The following RNF150 variants were observed in gnomAD, a reference collection of about 807,000 sequenced individuals.
RNF150 encodes the protein ring finger protein 150.
RNF150 carries 24 observed loss-of-function variants against 39.3 expected under a neutral mutation model. The observed-to-expected ratio is 0.61, with a 90% CI of 0.44 to 0.86. RNF150 has a LOEUF of 0.86. RNF150 is among the 40% of genes least tolerant of loss of function. RNF150 has a pLI of 0.00. For synonymous variants in RNF150, 255 were observed against 227.3 expected (o/e 1.12, Z -1.10); for missense variants, 502 against 587.8 (o/e 0.85, Z 1.51).
intron 1 of RNF150, among the ~76,000 whole-genome samples, chr4:141,022,062 C>T (rs1735516141): frequency 6.6e-6 from 1 of 152,020 alleles, no homozygotes; most frequent in Non-Finnish European, 1.5e-5. Context: ...AATTGGAGGC[C>T]CAGCAAATGT....
intron 6 of RNF150, among the ~76,000 whole-genome samples, chr4:140,910,173 T>C (rs1423491384): frequency 6.6e-6 from 1 of 152,134 alleles, no homozygotes; most frequent in Non-Finnish European, 1.5e-5. Context: ...TTTATAAAAA[T>C]CACAAATATG....
intron 1 of RNF150, among the ~76,000 whole-genome samples, chr4:141,081,480 A>G (rs1207886212): frequency 2.6e-5 from 4 of 152,216 alleles, no homozygotes; most frequent in Admixed American, 6.5e-5. Context: ...AAATCTCAGC[A>G]TGGGTGGGAT....
At chr4:141,066,530 A>G (rs1737468051) in intron 1 of RNF150, among the ~76,000 whole-genome samples, 1 of 152,242 alleles carries the variant, frequency 6.6e-6, no homozygotes, top group Admixed American at 6.5e-5. Flanking sequence ...TTGATATTAA[A>G]TGAGTTATGT....
chr4:140,934,362 AGC>A (rs1731758389), intron 4 of RNF150, among the ~76,000 whole-genome samples: 1 of 152,190 alleles, frequency 6.6e-6, no homozygotes, highest in African/African-American at 2.4e-5. Context: ...GCTGCAATAT[AGC>A]ACCAGTAGTA....
intron 5 of RNF150, among the ~76,000 whole-genome samples, chr4:140,912,959 T>TAAAAAAAAAAA (rs10616886): frequency 1.4e-5 from 2 of 138,136 alleles, no homozygotes; most frequent in Admixed American, 1.4e-4. Context: ...CATCAGAACA[T>TAAAAAAAAAAA]AAAAAAAAAA....
At chr4:141,092,037 G>A (rs1422172932) in intron 1 of RNF150, among the ~76,000 whole-genome samples, 1 of 152,080 alleles carries the variant, frequency 6.6e-6, no homozygotes, top group Admixed American at 6.6e-5. Context: ...GTCAAGCTAG[G>A]GTGACCATAA....
chr4:141,027,241 T>C (rs1357309006), intron 1 of RNF150, among the ~76,000 whole-genome samples: 1 of 152,224 alleles, frequency 6.6e-6, no homozygotes, highest in Admixed American at 6.5e-5. Flanking sequence ...GGAACCTTCT[T>C]GCTTCAAAAG....
At chr4:140,931,149 T>C (rs1309336497) in intron 4 of RNF150, among the ~76,000 whole-genome samples, 2 of 152,160 alleles carry the variant, frequency 1.3e-5, no homozygotes, top group African/African-American at 4.8e-5. Flanking sequence ...GTCCTGGTAC[T>C]CCTTAATTGT....
At position 141,133,164 on chromosome 4, in the gene RNF150, T is replaced by G; in HGVS notation, c.-356A>C. ...TAAGGGTGGCCGGGGGCCCACGAAC[T>G]TGCAGGGTGGCGGCCCTGCGCCCTC... On this transcript the variant is annotated 5_prime_UTR_variant, in exon 1 of 7. Coordinates refer to ENST00000515673, the MANE Select transcript of RNF150 (RefSeq NM_020724.2). 4.0e-6 allele frequency: 1 copy of G among 250,328 alleles called. No homozygotes were observed. Among genetic ancestry groups the G allele is most frequent in the Non-Finnish European group, 7.6e-6 (1 of 130,740 alleles). 15.5% of individuals were successfully genotyped at this position (250,328 alleles called of 1,614,324 possible). A position where few individuals can be genotyped will look rare whatever the true frequency, so the allele number is the denominator to read the frequency against.
chr4:141,057,514 G>A (rs1737029908), intron 1 of RNF150, among the ~76,000 whole-genome samples: 1 of 151,964 alleles, frequency 6.6e-6, no homozygotes, highest in Non-Finnish European at 1.5e-5. Context: ...AATGTACACT[G>A]TACCCCATAA....
intron 1 of RNF150, among the ~76,000 whole-genome samples, chr4:141,071,486 G>A (rs1489098437): frequency 6.6e-6 from 1 of 151,946 alleles, no homozygotes; most frequent in Non-Finnish European, 1.5e-5. Context: ...AAAGGAAATA[G>A]GAAGAAAATA....
At chr4:141,186,322 G>T (rs139477024) in intron 1 of RNF150, among the ~76,000 whole-genome samples, 1 of 152,166 alleles carries the variant, frequency 6.6e-6, no homozygotes. Flanking sequence ...TTGCATAGAG[G>T]TGTTCATAGT....
chr4:141,096,290 G>A (rs554142532), intron 1 of RNF150, among the ~76,000 whole-genome samples: 28 of 140,834 alleles, frequency 2.0e-4, no homozygotes, highest in African/African-American at 2.7e-4. Flanking sequence ...TCCACCTCCC[G>A]GGTTCAAGCG....
rs1270888725 is a variant in RNF150 at position 140,929,502 on chromosome 4, G to A, written c.891-3429C>T. On this transcript the variant is annotated intron_variant, in intron 4 of 6. Transcript: ENST00000515673. Reference sequence around the variant, plus strand: ...CTGCCTCAGCCTCCGGAGTAGCTGGGACTACAGGCACCCACCACCACGCCC... The same window carrying A: ...CTGCCTCAGCCTCCGGAGTAGCTGGAACTACAGGCACCCACCACCACGCCC... 3.3e-5 allele frequency among the ~76,000 whole-genome samples: 5 copies of A among 151,416 alleles called. 1 individual carries two copies. The highest frequency in any genetic ancestry group is 7.4e-5 in the Non-Finnish European group (5 of 67,914).
At chr4:141,182,063 A>T (rs192808296) in intron 1 of RNF150, among the ~76,000 whole-genome samples, 262 of 152,242 alleles carry the variant, frequency 1.7e-3, no homozygotes, top group Admixed American at 3.4e-3. Flanking sequence ...ATATAAACAG[A>T]GCCAAAGACA....
At chr4:141,211,367 T>C (rs1380925309) in intron 1 of RNF150, among the ~76,000 whole-genome samples, 3 of 152,160 alleles carry the variant, frequency 2.0e-5, no homozygotes, top group Non-Finnish European at 2.9e-5. Flanking sequence ...GAAAACCTCA[T>C]TGAAGCTATA....
intron 4 of RNF150, among the ~76,000 whole-genome samples, chr4:140,939,201 CTGCTCTGTATCAGGAACCA>C (rs2111352628): frequency 6.6e-6 from 1 of 152,304 alleles, no homozygotes; most frequent in African/African-American, 2.4e-5. Context: ...TTCACTATTA[CTGCTCTGTATCAGGAACCA>C]TTTATTCTGT....
intron 5 of RNF150, among the ~76,000 whole-genome samples, chr4:140,918,541 C>T (rs1399867213): frequency 6.6e-6 from 1 of 151,946 alleles, no homozygotes; most frequent in Admixed American, 6.6e-5. Context: ...TGGCAATAAT[C>T]AATAGCTTAC....
chr4:141,053,706 G>C, intron 1 of RNF150: 2 of 1,417,048 alleles, frequency 1.4e-6, no homozygotes, highest in Non-Finnish European at 1.8e-6. Flanking sequence ...TCAGCTTCAG[G>C]GGCTGGGCAT....
Sources: gnomAD v4.1 joint callset for allele counts (sites outside exome capture counted in the v4.1 genomes callset) on GRCh38, gnomAD v4.1.1 for gene constraint, MANE v1.5 for transcripts, NCBI Gene and HGNC (gene_info 2026-07-23, HGNC 2026-07-21) for gene names.